ADAMTSL2: variants seen among roughly 807,000 people sequenced by gnomAD.
ADAMTSL2 encodes ADAMTS like 2.
ADAMTSL2 carries 55 observed loss-of-function variants against 117.0 expected under a neutral mutation model. The observed-to-expected ratio is 0.47, with a 90% CI of 0.38 to 0.59. The LOEUF is 0.59. ADAMTSL2 is among the 20% of genes least tolerant of loss of function. ADAMTSL2 has a pLI of 0.00. For synonymous variants in ADAMTSL2, 572 were observed against 566.4 expected (o/e 1.01, Z -0.14); for missense variants, 1,182 against 1,354.5 (o/e 0.87, Z 2.00).
At chr9:133,547,564 G>T (rs532669513) in intron 9 of ADAMTSL2, among the ~76,000 whole-genome samples, 1 of 152,282 alleles carries the variant, frequency 6.6e-6, no homozygotes, top group South Asian at 2.1e-4. Flanking sequence ...TCCATTCACT[G>T]TGGCTAGCTT....
chr9:133,570,414 T>C lies in ADAMTSL2; in HGVS notation c.2499T>C (p.Ser833=). The C allele has an allele frequency of 6.3e-7, 1 of 1,596,698 alleles. No individual in the cohort carries two copies. Among genetic ancestry groups the C allele is most frequent in the Non-Finnish European group, 8.5e-7 (1 of 1,172,556 alleles). The change falls in exon 17 of 19, where the codon AGT becomes AGC. Residue 833 remains serine, a synonymous_variant. Coordinates refer to ENST00000651351, the MANE Select transcript of ADAMTSL2 (RefSeq NM_014694.4). ...CCAACGGGAAGCCGCAGACGCGCAG[T>C]GGCCCCGAGTGCGGGCTCGCCAAGA... ...ELANGKPQTR[S]GPECGLAKKP...
At chr9:133,561,447 G>A (rs1356752139) in intron 12 of ADAMTSL2, 152 bp downstream of exon 12, 12 of 720,680 alleles carry the variant, frequency 1.7e-5, no homozygotes, top group African/African-American at 3.5e-5. Context: ...GCAGTGTGGC[G>A]TGATAGGAGT....
chr9:133,541,601 TA>T (rs1486106361), intron 7 of ADAMTSL2, among the ~76,000 whole-genome samples: 3 of 152,148 alleles, frequency 2.0e-5, no homozygotes, highest in Non-Finnish European at 4.4e-5. Context: ...CACCACACTT[TA>T]AAAAGGGAGA....
intron 13 of ADAMTSL2, 108 bp downstream of exon 13, chr9:133,567,170 C>T: frequency 7.1e-7 from 1 of 1,411,834 alleles, no homozygotes; most frequent in South Asian, 1.3e-5. Context: ...TCTTCGTGTG[C>T]AGGGCCGTGG....
intron 9 of ADAMTSL2, among the ~76,000 whole-genome samples, chr9:133,550,039 A>G (rs9777021): frequency 6.6e-6 from 1 of 152,236 alleles, no homozygotes; most frequent in Non-Finnish European, 1.5e-5. Flanking sequence ...TGTGTCAGCA[A>G]GGGACCCAAG....
intron 9 of ADAMTSL2, among the ~76,000 whole-genome samples, chr9:133,548,211 G>C (rs534541674): frequency 1.3e-5 from 2 of 152,384 alleles, no homozygotes; most frequent in African/African-American, 4.8e-5. Context: ...GCACGACTGG[G>C]CTTTGAACCC....
In ADAMTSL2 at chr9:133,538,379, G is replaced by A. The variant is rs1170492776; in HGVS notation, c.264G>A (p.Arg88=). 1.2e-6 allele frequency: 2 copies of A among 1,613,224 alleles called. No individual in the cohort carries two copies. The highest frequency in any genetic ancestry group is 2.7e-5 in the African/African-American group (2 of 74,946). ...RRKSVPGPGN[R]TCTGTSKRYQ... ...AGTCCGTCCCGGGCCCCGGGAACAG[G>A]ACCTGCACGGGCACGTCCAAGCGGT... Residue 88 remains arginine (R), a synonymous_variant, in exon 4 of 19, where the codon AGG becomes AGA. Coordinates refer to ENST00000651351, the MANE Select transcript of ADAMTSL2 (RefSeq NM_014694.4).
rs140608721 is a variant in ADAMTSL2, at chr9:133,539,547, T to G, written c.310-224T>G. Among the ~76,000 whole-genome samples, 733 of 130,746 alleles carry G rather than the reference T, an allele frequency of 5.6e-3. 8 individuals carry two copies. Among genetic ancestry groups the G allele is most frequent in the African/African-American group, 0.02 (706 of 36,150 alleles). 85.8% of individuals were successfully genotyped at this position (130,746 alleles called of 152,430 possible). ...GTTGTGTCTAGAGTAGGCGGAGGGC[T>G]GGCGTGGGGGGCGGAGCTGCCCTTT... On this transcript the variant is annotated intron_variant, in intron 4 of 18. Transcript: ENST00000651351.
upstream of ADAMTSL2, chr9:133,534,619 G>A (rs1008414208): frequency 2.3e-6 from 3 of 1,277,452 alleles, no homozygotes; most frequent in African/African-American, 4.7e-5. Flanking sequence ...GCCGGCGCGG[G>A]CGGGGGAGCG....
intron 13 of ADAMTSL2, among the ~76,000 whole-genome samples, chr9:133,567,860 C>T (rs1320928725): frequency 7.2e-5 from 11 of 152,230 alleles, no homozygotes; most frequent in Non-Finnish European, 1.5e-5. Context: ...TAACCCCTCC[C>T]AGCTCAAGCT....
chr9:133,532,298 G>C (rs1829962408), upstream of ADAMTSL2: 1 of 152,232 alleles, frequency 6.6e-6, no homozygotes, highest in African/African-American at 2.4e-5. Flanking sequence ...CCAGGTTCAA[G>C]CAATTCTCCT....
intron 10 of ADAMTSL2, 116 bp from the exon 11 acceptor site, chr9:133,555,442 A>G (rs1212241991): frequency 2.9e-5 from 39 of 1,332,858 alleles, no homozygotes; most frequent in Non-Finnish European, 1.1e-5. Flanking sequence ...TCCTTCTGGG[A>G]GCTTCTTGGT....
chr9:133,547,275 G>T, intron 9 of ADAMTSL2, 62 bp downstream of exon 9: 1 of 1,544,046 alleles, frequency 6.5e-7, no homozygotes, highest in South Asian at 1.2e-5. Flanking sequence ...CCAGAATCCA[G>T]CCACAGGTGA....
Position 133,540,864 on chromosome 9 carries a change from C to T in ADAMTSL2, c.559-14C>T. ...GCGCCCTCCCAGCAGCCCTCTCCCT[C>T]TCCCTTCCTGCAGCCCATCGGCTGT... On this transcript the variant is annotated splice_polypyrimidine_tract_variant and intron_variant, in intron 6 of 18. Transcript: ENST00000651351. 1.2e-6 allele frequency: 2 copies of T among 1,613,394 alleles called. No homozygotes were observed. Among genetic ancestry groups the T allele is most frequent in the South Asian group, 1.1e-5 (1 of 91,088 alleles).
chr9:133,561,068 C>T (rs1032889515), intron 11 of ADAMTSL2, 130 bp from the exon 12 acceptor site: 58 of 797,412 alleles, frequency 7.3e-5, no homozygotes, highest in African/African-American at 5.8e-4. Flanking sequence ...AGGGTCGGCC[C>T]GGGGCTCAGG....
intron 4 of ADAMTSL2, among the ~76,000 whole-genome samples, 161 bp from the exon 5 acceptor site, chr9:133,539,610 G>A (rs542363146): frequency 1.9e-4 from 21 of 109,792 alleles, no homozygotes; most frequent in Middle Eastern, 5.0e-3. Context: ...GCATGGGAGC[G>A]CGCAGGAGCC....
At chr9:133,541,109 C>T in intron 7 of ADAMTSL2, 108 bp downstream of exon 7, 1 of 1,484,352 alleles carries the variant, frequency 6.7e-7, no homozygotes. Context: ...CAAGTTCTTC[C>T]CCTCTAGGGG....
intron 1 of ADAMTSL2, 140 bp downstream of exon 1, chr9:133,535,057 G>A (rs1830018374): frequency 4.7e-6 from 6 of 1,282,054 alleles, no homozygotes; most frequent in Admixed American, 4.1e-5. Context: ...GGGAGGGGTC[G>A]GGCCGCAGAG....
At chr9:133,533,429 G>A (rs374219609), upstream of ADAMTSL2, among the ~76,000 whole-genome samples, 7 of 152,164 alleles carry the variant, frequency 4.6e-5, no homozygotes, top group Admixed American at 6.5e-5. Context: ...GAGAGAACCC[G>A]ACACTCAGGA....
Sources: gnomAD v4.1 joint callset for allele counts (sites outside exome capture counted in the v4.1 genomes callset) on GRCh38, gnomAD v4.1.1 for gene constraint, MANE v1.5 for transcripts, NCBI Gene and HGNC (gene_info 2026-07-23, HGNC 2026-07-21) for gene names.